Variants in LRIG1 observed in about 807,000 individuals in gnomAD.
LRIG1 encodes the protein leucine-rich repeats and immunoglobulin-like domains protein 1.
Under a neutral mutation model 99.2 loss-of-function variants are expected in LRIG1, and 48 were observed. The ratio of observed to expected loss-of-function variants is 0.48; its 90% CI spans 0.38 to 0.62. LRIG1 has a LOEUF of 0.62. Ranked by LOEUF, LRIG1 falls within the 20% of genes least tolerant of loss-of-function variation. The probability of loss-of-function intolerance (pLI) is 0.00; values close to 1 mark genes in which losing one functional copy is unlikely to be tolerated. For missense variants in LRIG1, 1,646 were observed against 1,434.4 expected (o/e 1.15, Z -2.38); for synonymous variants, 772 against 596.1 (o/e 1.29, Z -4.30).
chr3:66,424,050 G>T (rs113451118), intron 3 of LRIG1, among the ~76,000 whole-genome samples: 175 of 152,264 alleles, frequency 1.1e-3, no homozygotes, highest in African/African-American at 3.8e-3. Flanking sequence ...TCTCAGGAAC[G>T]AAGGGCTGAC....
intron 1 of LRIG1, among the ~76,000 whole-genome samples, chr3:66,485,787 A>AAATGGATCTGACACACACGCCTT (rs1700958502): frequency 6.6e-6 from 1 of 152,138 alleles, no homozygotes; most frequent in Non-Finnish European, 1.5e-5. Flanking sequence ...GGCAAACCAA[A>AAATGGATCTGACACACACGCCTT]AATGGATCTG....
intron 15 of LRIG1, 110 bp from the exon 16 acceptor site, chr3:66,382,508 G>A (rs551910217): frequency 2.4e-4 from 298 of 1,257,848 alleles, no homozygotes; most frequent in African/African-American, 1.7e-3. Context: ...GACCATCAGC[G>A]CTGTGCAGAG....
At chr3:66,409,076 T>C (rs936770895) in intron 7 of LRIG1, among the ~76,000 whole-genome samples, 1 of 151,776 alleles carries the variant, frequency 6.6e-6, no homozygotes, top group Non-Finnish European at 1.5e-5. Flanking sequence ...CGCATCCCCT[T>C]GAGTTTGCCT....
intron 16 of LRIG1, 59 bp from the exon 17 acceptor site, chr3:66,381,690 T>TATGAAAGGAATG: frequency 6.4e-7 from 1 of 1,569,896 alleles, no homozygotes; most frequent in Non-Finnish European, 8.7e-7. Flanking sequence ...CAGTAAGCCT[T>TATGAAAGGAATG]ATGAAAGGAA....
At chr3:66,391,939 A>C (rs1016938079) in intron 12 of LRIG1, among the ~76,000 whole-genome samples, 1 of 152,200 alleles carries the variant, frequency 6.6e-6, no homozygotes, top group Non-Finnish European at 1.5e-5. Flanking sequence ...AATGCTGTAC[A>C]TTTTAGCTAT....
chr3:66,402,188 A>G (rs1702084016), intron 9 of LRIG1, among the ~76,000 whole-genome samples: 1 of 152,114 alleles, frequency 6.6e-6, no homozygotes, highest in African/African-American at 2.4e-5. Flanking sequence ...CAGGTCACTA[A>G]CTGCTCCTCT....
At chr3:66,495,842 T>C (rs958730203) in intron 1 of LRIG1, among the ~76,000 whole-genome samples, 4 of 152,120 alleles carry the variant, frequency 2.6e-5, no homozygotes, top group Non-Finnish European at 4.4e-5. Flanking sequence ...GCTGAAGACT[T>C]TGCACCAAGG....
intron 1 of LRIG1, among the ~76,000 whole-genome samples, chr3:66,475,320 T>C (rs1429108545): frequency 6.6e-6 from 1 of 152,214 alleles, no homozygotes; most frequent in Non-Finnish European, 1.5e-5. Flanking sequence ...GACTTGCGTC[T>C]GCATACTGCA....
intron 8 of LRIG1, chr3:66,406,514 A>G: frequency 1.5e-6 from 1 of 669,834 alleles, no homozygotes; most frequent in Non-Finnish European, 1.8e-6. Context: ...GCCAGGTGCA[A>G]GTGCAAAGGC....
At chr3:66,448,688 A>G (rs1372461367) in intron 3 of LRIG1, among the ~76,000 whole-genome samples, 1 of 152,220 alleles carries the variant, frequency 6.6e-6, no homozygotes, top group Non-Finnish European at 1.5e-5. Flanking sequence ...TTGTCCCAAG[A>G]AAGTTGTCTG....
At chr3:66,407,020 C>T (rs6780294) in intron 8 of LRIG1, among the ~76,000 whole-genome samples, 6,774 of 152,212 alleles carry the variant, frequency 0.045, 491 homozygotes, top group African/African-American at 0.15. Flanking sequence ...CTGCACCAGG[C>T]GCTCAGCGTG....
chr3:66,499,104 G>A (rs1471587469), intron 1 of LRIG1, among the ~76,000 whole-genome samples: 1 of 152,216 alleles, frequency 6.6e-6, no homozygotes, highest in African/African-American at 2.4e-5. Context: ...AGGTACTAAT[G>A]GTTCTACAGA....
intron 3 of LRIG1, among the ~76,000 whole-genome samples, chr3:66,443,394 A>C (rs1189637136): frequency 6.7e-6 from 1 of 150,338 alleles, no homozygotes; most frequent in Non-Finnish European, 1.5e-5. Flanking sequence ...AAATTGGCCT[A>C]AAGATGGAAT....
At chr3:66,474,252 C>T (rs910600117) in intron 1 of LRIG1, among the ~76,000 whole-genome samples, 5 of 152,050 alleles carry the variant, frequency 3.3e-5, no homozygotes, top group African/African-American at 7.2e-5. Context: ...GTGAAAATGA[C>T]TAGGCCACAA....
intron 8 of LRIG1, chr3:66,406,286 AG>A: frequency 2.0e-6 from 2 of 985,506 alleles, no homozygotes; most frequent in Non-Finnish European, 2.4e-6. Context: ...TGAAAAAACC[AG>A]GAACCAGGGA....
chr3:66,432,934 A>T (rs1703220790), intron 3 of LRIG1, among the ~76,000 whole-genome samples: 1 of 152,202 alleles, frequency 6.6e-6, no homozygotes, highest in South Asian at 2.1e-4. Context: ...CAGTCCTGCC[A>T]GGGGCCCACA....
At chr3:66,425,044 T>C (rs1702934591) in intron 3 of LRIG1, among the ~76,000 whole-genome samples, 1 of 152,176 alleles carries the variant, frequency 6.6e-6, no homozygotes, top group Non-Finnish European at 1.5e-5. Flanking sequence ...TGGACATAAC[T>C]CCATTGTCAG....
chr3:66,392,909 A>G (rs1219605575), intron 12 of LRIG1, among the ~76,000 whole-genome samples: 2 of 152,244 alleles, frequency 1.3e-5, no homozygotes, highest in East Asian at 3.8e-4. Context: ...ATTAGATTCC[A>G]CACAGAAGGC....
intron 3 of LRIG1, among the ~76,000 whole-genome samples, chr3:66,445,569 A>G (rs1019817931): frequency 2.6e-5 from 4 of 152,184 alleles, no homozygotes; most frequent in African/African-American, 9.7e-5. Flanking sequence ...AGGTCCAGCT[A>G]GGAATAAATG....
Sources: gnomAD v4.1 joint callset for allele counts (sites outside exome capture counted in the v4.1 genomes callset) on GRCh38, gnomAD v4.1.1 for gene constraint, MANE v1.5 for transcripts, NCBI Gene and HGNC (gene_info 2026-07-23, HGNC 2026-07-21) for gene names.